GRID2: variants seen among roughly 807,000 people sequenced by gnomAD.
The protein encoded by GRID2 is glutamate ionotropic receptor delta type subunit 2, also known as glutamate receptor ionotropic, delta-2.
In GRID2, 33 loss-of-function variants were observed where a neutral mutation model predicts 114.8. The ratio of observed to expected loss-of-function variants is 0.29; its 90% CI spans 0.22 to 0.38. The LOEUF is 0.38. GRID2 is among the 10% of genes least tolerant of loss of function. The pLI is 1.00. For synonymous variants in GRID2, 505 were observed against 449.9 expected, an observed-to-expected ratio of 1.12 and a Z score of -1.55; for missense variants, 1,184 against 1,257.7, an observed-to-expected ratio of 0.94 and a Z score of 0.89.
intron 3 of GRID2, among the ~76,000 whole-genome samples, chr4:93,107,100 A>G (rs1732312034): frequency 6.6e-6 from 1 of 152,126 alleles, no homozygotes; most frequent in African/African-American, 2.4e-5. Flanking sequence ...AGCAGTTCAA[A>G]TCAGCCTGGC....
chr4:92,530,047 G>C (rs1365537065), intron 1 of GRID2, among the ~76,000 whole-genome samples: 5 of 134,698 alleles, frequency 3.7e-5, no homozygotes, highest in Admixed American at 7.6e-5. Flanking sequence ...GGATAAGAAG[G>C]GTTTTTTTTT....
intron 2 of GRID2, among the ~76,000 whole-genome samples, chr4:92,948,282 C>T (rs1272288016): frequency 3.3e-5 from 5 of 151,788 alleles, no homozygotes; most frequent in Non-Finnish European, 1.5e-5. Context: ...AAGTTTTTAA[C>T]ATCCTTTTTT....
chr4:92,779,702 C>G (rs995163918), intron 2 of GRID2, among the ~76,000 whole-genome samples: 2 of 151,996 alleles, frequency 1.3e-5, no homozygotes, highest in Non-Finnish European at 2.9e-5. Flanking sequence ...AGATATCTCC[C>G]CTTTTATAAT....
chr4:93,436,494 C>G (rs573054513), intron 10 of GRID2, among the ~76,000 whole-genome samples: 22 of 152,108 alleles, frequency 1.4e-4, no homozygotes, highest in Non-Finnish European at 3.1e-4. Flanking sequence ...CTAGAGCAAG[C>G]CTCGGGGAGT....
intron 1 of GRID2, among the ~76,000 whole-genome samples, chr4:92,330,776 A>C (rs1726845866): frequency 6.6e-6 from 1 of 152,034 alleles, no homozygotes; most frequent in Non-Finnish European, 1.5e-5. Flanking sequence ...ATTACAGTGG[A>C]AATTCTAAGT....
At position 93,187,290 on chromosome 4, in the gene GRID2, T is replaced by G. The variant is rs143563500; in HGVS notation, c.736-20114T>G. ...TCCAAAGTCTTTTTTTTTCTTTTCT[T>G]TTTTGAGATGGAGTCTCATTCTTTT... On this transcript the variant is annotated intron_variant, in intron 4 of 15. Transcript: ENST00000282020. Among the ~76,000 whole-genome samples the G allele has an allele frequency of 4.2e-3, 636 of 152,304 alleles. 8 individuals are homozygous for G. The highest frequency in any genetic ancestry group is 0.015 in the African/African-American group (614 of 41,574).
chr4:93,591,702 G>A (rs1254778278), intron 13 of GRID2, among the ~76,000 whole-genome samples: 2 of 151,920 alleles, frequency 1.3e-5, no homozygotes, highest in African/African-American at 2.4e-5. Context: ...CTTTTTGGTT[G>A]GTAAGGTATT....
At chr4:93,460,323 C>T (rs777547343) in intron 11 of GRID2, among the ~76,000 whole-genome samples, 7 of 152,160 alleles carry the variant, frequency 4.6e-5, no homozygotes, top group Non-Finnish European at 1.0e-4. Context: ...TCCAAACTTA[C>T]GGTTTGACCA....
chr4:93,487,432 A>G (rs1054212363), intron 11 of GRID2, among the ~76,000 whole-genome samples: 1 of 151,864 alleles, frequency 6.6e-6, no homozygotes, highest in African/African-American at 2.4e-5. Flanking sequence ...ATTTAGCTGC[A>G]TCCCATCTAC....
chr4:93,698,602 T>C (rs1472158459), intron 14 of GRID2, among the ~76,000 whole-genome samples: 1 of 152,086 alleles, frequency 6.6e-6, no homozygotes, highest in African/African-American at 2.4e-5. Context: ...AAAATTATGC[T>C]TAAAGATTAA....
chr4:93,014,938 A>T (rs1319207413), intron 2 of GRID2, among the ~76,000 whole-genome samples: 1 of 152,106 alleles, frequency 6.6e-6, no homozygotes, highest in African/African-American at 2.4e-5. Flanking sequence ...CTCTAGATTC[A>T]TTTCACTGGA....
rs117157593 is a variant in GRID2 at position 93,637,422 on chromosome 4, A to G, written c.2360+10987A>G. Among the ~76,000 whole-genome samples the G allele has an allele frequency of 1.0e-3, 155 of 152,292 alleles. 1 individual carries two copies. The East Asian group carries it at 0.025, about 25-fold the overall frequency. ...GCCAGGCTTTGAACCCATGCTGTCA[A>G]AGACAATACTATCCTGGCTCATATT... On this transcript the variant is annotated intron_variant, in intron 14 of 15. Coordinates refer to ENST00000282020, the MANE Select transcript of GRID2 (RefSeq NM_001510.4).
At chr4:92,489,581 C>T (rs1723055048) in intron 1 of GRID2, among the ~76,000 whole-genome samples, 2 of 152,234 alleles carry the variant, frequency 1.3e-5, no homozygotes, top group Admixed American at 1.3e-4. Context: ...CACGGTGGCT[C>T]ACTCCTGTAA....
At position 92,304,274 on chromosome 4, in the gene GRID2, G is replaced by T. The variant is rs866107963; in HGVS notation, c.-383G>T. 1 of 239,574 alleles carries T rather than the reference G, an allele frequency of 4.2e-6. No individual in the cohort carries two copies. The allele number at this position is 239,574 out of a possible 1,614,324, so 14.8% of individuals were successfully genotyped here. ...CACATCCGGCGTGAGGGGGGTGTTG[G>T]AAGTTGCAGCGGAGCTGGGACCGGA... is the stretch of plus-strand genomic sequence containing the variant. On this transcript the variant is annotated 5_prime_UTR_variant, in exon 1 of 16. Transcript: ENST00000282020.
chr4:92,946,585 A>G (rs1347592312), intron 2 of GRID2, among the ~76,000 whole-genome samples: 2 of 152,098 alleles, frequency 1.3e-5, no homozygotes, highest in Non-Finnish European at 2.9e-5. Context: ...ACTACTATGC[A>G]AACTCTACTG....
At chr4:93,303,491 C>T (rs914364790) in intron 8 of GRID2, among the ~76,000 whole-genome samples, 5 of 152,116 alleles carry the variant, frequency 3.3e-5, no homozygotes, top group East Asian at 1.9e-4. Context: ...CACTGTCCTT[C>T]GTGGGCTTCA....
intron 14 of GRID2, among the ~76,000 whole-genome samples, chr4:93,677,980 G>A (rs182089132): frequency 4.9e-4 from 75 of 151,656 alleles, no homozygotes; most frequent in Admixed American, 2.8e-3. Context: ...AAACTACTCC[G>A]AGCTACAGGA....
chr4:93,793,605 G>C (rs543238508), intron 1 of GRID2, among the ~76,000 whole-genome samples: 1 of 152,008 alleles, frequency 6.6e-6, no homozygotes, highest in Non-Finnish European at 1.5e-5. Flanking sequence ...TATTATCCTA[G>C]TTCTAATTGT....
At chr4:93,208,042 G>A (rs1034214064) in intron 5 of GRID2, among the ~76,000 whole-genome samples, 3 of 151,864 alleles carry the variant, frequency 2.0e-5, no homozygotes, top group African/African-American at 7.2e-5. Context: ...TGTTCCATTA[G>A]GACCTGCCAG....
Sources: allele counts gnomAD v4.1 joint callset (sites outside exome capture counted in the v4.1 genomes callset), GRCh38; gene constraint gnomAD v4.1.1; transcripts MANE v1.5; gene names NCBI Gene and HGNC (gene_info 2026-07-23, HGNC 2026-07-21).